The following ZNF599 variants were observed in gnomAD, a reference collection of about 807,000 sequenced individuals.
ZNF599 encodes the protein zinc finger protein 599.
Under a neutral mutation model 11.7 loss-of-function variants are expected in ZNF599, and 10 were observed. The ratio of observed to expected loss-of-function variants is 0.86; its 90% CI spans 0.53 to 1.45. The LOEUF is 1.45. ZNF599 is among the 40% of genes most tolerant of loss of function. ZNF599 has a pLI of 0.00. For synonymous variants in ZNF599, 232 were observed against 253.2 expected, an observed-to-expected ratio of 0.92 and a Z score of 0.79; for missense variants, 688 against 713.6, an observed-to-expected ratio of 0.96 and a Z score of 0.41.
At chr19:34,803,018 G>A in the ZNF599 span, among the ~76,000 whole-genome samples, 1 of 152,172 alleles carries the variant, frequency 6.6e-6, no homozygotes, top group East Asian at 1.9e-4. Flanking sequence ...AGCAATTCCT[G>A]GTATAGGAAG....
At chr19:34,794,718 G>A in the ZNF599 span, among the ~76,000 whole-genome samples, 1 of 151,894 alleles carries the variant, frequency 6.6e-6, no homozygotes, top group Non-Finnish European at 1.5e-5. Flanking sequence ...TTACAAGCAT[G>A]CATCACTATG....
chr19:34,783,006 C>T, the ZNF599 span, among the ~76,000 whole-genome samples: 1 of 152,202 alleles, frequency 6.6e-6, no homozygotes, highest in Non-Finnish European at 1.5e-5. Flanking sequence ...ACTGGTGACA[C>T]TGGTGTTCAC....
chr19:34,781,025 G>T, the ZNF599 span, among the ~76,000 whole-genome samples: 1 of 151,902 alleles, frequency 6.6e-6, no homozygotes, highest in Non-Finnish European at 1.5e-5. Flanking sequence ...GCGCGGTGGC[G>T]GGCACCTGTA....
At chr19:34,774,330 A>G (rs1230849532), upstream of ZNF599, among the ~76,000 whole-genome samples, 3 of 152,152 alleles carry the variant, frequency 2.0e-5, no homozygotes, top group East Asian at 3.8e-4. Context: ...AACCAGGCAC[A>G]AACCAGATGG....
chr19:34,802,485 A>G, the ZNF599 span, among the ~76,000 whole-genome samples: 1 of 152,202 alleles, frequency 6.6e-6, no homozygotes, highest in Non-Finnish European at 1.5e-5. Context: ...ACTACTTAAG[A>G]ATATGTGTGC....
chr19:34,779,533 T>C, the ZNF599 span: 1 of 454,550 alleles, frequency 2.2e-6, no homozygotes, highest in Admixed American at 2.4e-5. Context: ...TGGTGTGAAC[T>C]CTTTGGTGTT....
chr19:34,781,190 G>A, the ZNF599 span, among the ~76,000 whole-genome samples: 3 of 148,506 alleles, frequency 2.0e-5, no homozygotes, highest in African/African-American at 7.5e-5. Flanking sequence ...GAAAAGGAAG[G>A]AAGGAGAGAG....
Position 34,771,732 on chromosome 19 carries a change from C to A in ZNF599, c.18+1092G>T, listed in dbSNP as rs147013021. Among the ~76,000 whole-genome samples, 139 of 152,090 alleles carry A rather than the reference C, an allele frequency of 9.1e-4. 1 individual carries two copies. Among genetic ancestry groups the A allele is most frequent in the African/African-American group, 3.1e-3 (128 of 41,478 alleles). ...ATGAAATCTAAGTAGGATGGGAGCCCCAGAGGATAGAATCTCATTCATTAA... is the reference window on the plus strand; with the variant it reads ...ATGAAATCTAAGTAGGATGGGAGCCACAGAGGATAGAATCTCATTCATTAA... On this transcript the variant is annotated intron_variant, in intron 1 of 3. Coordinates refer to ENST00000329285, the MANE Select transcript of ZNF599 (RefSeq NM_001007248.3).
At chr19:34,769,661 C>CAACT in intron 1 of ZNF599, 106 bp from the exon 2 acceptor site, 1 of 1,401,916 alleles carries the variant, frequency 7.1e-7, no homozygotes, top group Non-Finnish European at 9.7e-7. Flanking sequence ...AACCACTGAG[C>CAACT]AACTCCTGAG....
At chr19:34,786,038 A>G in the ZNF599 span, among the ~76,000 whole-genome samples, 33,241 of 151,764 alleles carry the variant, frequency 0.22, 3,727 homozygotes, top group South Asian at 0.38. Flanking sequence ...CCATTTCAGG[A>G]GGATCATAGC....
chr19:34,772,644 TC>T (rs1214953815), intron 1 of ZNF599, 179 bp downstream of exon 1: 1 of 1,401,424 alleles, frequency 7.1e-7, no homozygotes, highest in Non-Finnish European at 9.2e-7. Context: ...TGTCCTGGAT[TC>T]AGGACCCTGG....
chr19:34,767,041 C>T (rs2069148674), intron 3 of ZNF599: 2 of 362,230 alleles, frequency 5.5e-6, no homozygotes, highest in Admixed American at 8.1e-5. Flanking sequence ...ACTTATATAC[C>T]AAAGGCACAG....
At chr19:34,802,992 T>C in the ZNF599 span, among the ~76,000 whole-genome samples, 1 of 152,216 alleles carries the variant, frequency 6.6e-6, no homozygotes, top group African/African-American at 2.4e-5. Context: ...ACATAAATAG[T>C]GACCATGTCG....
the ZNF599 span, among the ~76,000 whole-genome samples, chr19:34,800,586 G>GTTTTTTTTTTTT: frequency 4.4e-4 from 50 of 112,978 alleles, 2 homozygotes; most frequent in Admixed American, 5.5e-4. Context: ...CATTTCCTTT[G>GTTTTTTTTTTTT]TTTTTTTTTT....
the ZNF599 span, among the ~76,000 whole-genome samples, chr19:34,782,228 C>T: frequency 1.3e-5 from 2 of 152,234 alleles, no homozygotes; most frequent in Non-Finnish European, 2.9e-5. Flanking sequence ...AGGGAAGCAC[C>T]TTGGCAGGTG....
At chr19:34,782,053 G>T in the ZNF599 span, among the ~76,000 whole-genome samples, 1 of 152,224 alleles carries the variant, frequency 6.6e-6, no homozygotes, top group Non-Finnish European at 1.5e-5. Flanking sequence ...ACAGGTTACT[G>T]ATATGTGAAC....
At chr19:34,803,156 T>A in the ZNF599 span, among the ~76,000 whole-genome samples, 1 of 152,046 alleles carries the variant, frequency 6.6e-6, no homozygotes, top group Non-Finnish European at 1.5e-5. Flanking sequence ...CCAGTAAGCC[T>A]TTGGGGCAGC....
intron 1 of ZNF599, among the ~76,000 whole-genome samples, chr19:34,771,296 AC>A (rs2145465034): frequency 6.6e-6 from 1 of 152,294 alleles, no homozygotes; most frequent in African/African-American, 2.4e-5. Flanking sequence ...TGCTCGACAT[AC>A]TGGATTGTTT....
At chr19:34,769,641 A>G in intron 1 of ZNF599, 86 bp from the exon 2 acceptor site, 1 of 1,517,664 alleles carries the variant, frequency 6.6e-7, no homozygotes, top group Non-Finnish European at 8.9e-7. Flanking sequence ...CAAAGGGTCC[A>G]GAGACCCTGA....
Sources: gnomAD v4.1 joint callset for allele counts (sites outside exome capture counted in the v4.1 genomes callset) on GRCh38, gnomAD v4.1.1 for gene constraint, MANE v1.5 for transcripts, NCBI Gene and HGNC (gene_info 2026-07-23, HGNC 2026-07-21) for gene names.